The following CDON variants were observed in gnomAD, a reference collection of about 807,000 sequenced individuals.
CDON encodes cell adhesion associated, oncogene regulated, also known as cell adhesion molecule-related/down-regulated by oncogenes.
CDON carries 73 observed loss-of-function variants against 120.9 expected under a neutral mutation model. The observed-to-expected ratio is 0.60, with a 90% confidence interval of 0.50 to 0.73. CDON has a LOEUF of 0.73. Among genes scored for constraint, CDON ranks in the 30% least tolerant of loss-of-function variants. The pLI, the probability that CDON is intolerant of heterozygous loss-of-function variation, is 0.00. For missense variants in CDON, 1,470 were observed against 1,587.3 expected (o/e 0.93, Z 1.26); for synonymous variants, 566 against 573.5 (o/e 0.99, Z 0.19).
At chr11:126,057,196 TGGG>T (rs1948700869) in intron 1 of CDON, among the ~76,000 whole-genome samples, 1 of 152,196 alleles carries the variant, frequency 6.6e-6, no homozygotes, top group African/African-American at 2.4e-5. Flanking sequence ...AGATAGCCAT[TGGG>T]ATCTGATTTT....
chr11:125,973,597 G>C (rs1330034316), intron 18 of CDON, among the ~76,000 whole-genome samples: 1 of 152,194 alleles, frequency 6.6e-6, no homozygotes, highest in Non-Finnish European at 1.5e-5. Context: ...CCATGGCTCT[G>C]TGTGATCTGA....
intron 14 of CDON, among the ~76,000 whole-genome samples, chr11:125,991,010 G>A (rs1181141892): frequency 6.6e-6 from 1 of 151,952 alleles, no homozygotes; most frequent in African/African-American, 2.4e-5. Context: ...TTCTTTTTTT[G>A]TAGTCTTGGG....
At chr11:125,961,136 C>G in intron 19 of CDON, 31 bp from the exon 20 acceptor site, 1 of 1,604,372 alleles carries the variant, frequency 6.2e-7, no homozygotes, top group Non-Finnish European at 8.5e-7. Context: ...GGAGCATTAT[C>G]AAATGATAAA....
At chr11:126,023,330 G>T in intron 2 of CDON, 71 bp downstream of exon 2, 1 of 958,448 alleles carries the variant, frequency 1.0e-6, no homozygotes, top group Non-Finnish European at 1.7e-6. Flanking sequence ...AAGCATTGAA[G>T]TACAAATTTA....
chr11:126,010,478 G>A lies in CDON; in HGVS notation c.1415C>T (p.Pro472Leu). The A allele has an allele frequency of 6.2e-7, 1 of 1,614,142 alleles. No homozygotes were observed. Among genetic ancestry groups the A allele is most frequent in the Non-Finnish European group, 8.5e-7 (1 of 1,180,004 alleles). The change falls in exon 8 of 20, where the codon CCT becomes CTT. Residue 472 changes from proline (P) to leucine (L), a missense_variant. Physicochemically the swap from Pro to Leu is moderately conservative, Grantham distance 98 (BLOSUM62 -3). Coordinates refer to ENST00000531738, the MANE Select transcript of CDON (RefSeq NM_001378964.1). Reference sequence around the variant, plus strand: ...AGCTTGGGACAGGACGAAGTACACAGGCTCCAGGTTCAAGCCCTCAGGTCT... The same window carrying A: ...AGCTTGGGACAGGACGAAGTACACAAGCTCCAGGTTCAAGCCCTCAGGTCT... ...LSRPEGLNLE[P>L]VYFVLSQAGA... is the part of the protein sequence containing the mutation.
intron 19 of CDON, 194 bp downstream of exon 19, chr11:125,961,530 T>A: frequency 1.5e-6 from 1 of 667,560 alleles, no homozygotes; most frequent in East Asian, 2.7e-5. Context: ...AGGACATGAG[T>A]AATAACAGAA....
chr11:125,981,625 C>G lies in CDON; in HGVS notation c.2996-296G>C, dbSNP rs546546736. Reference sequence around the variant, plus strand: ...CATAGAGTGTAGAGATAGCTGTGAACTCTGAGTTAATTATGATTCTGTTAA... The same window carrying G: ...CATAGAGTGTAGAGATAGCTGTGAAGTCTGAGTTAATTATGATTCTGTTAA... On this transcript the variant is annotated intron_variant, in intron 16 of 19. Coordinates refer to ENST00000531738, the MANE Select transcript of CDON (RefSeq NM_001378964.1). Among the ~76,000 whole-genome samples, 6 of 152,240 alleles carry G rather than the reference C, an allele frequency of 3.9e-5. No individual in the cohort carries two copies. The East Asian group carries it at 1.2e-3, about 29-fold the overall frequency.
chr11:126,021,338 G>C lies in CDON; in HGVS notation c.259C>G (p.Leu87Val). 2 of 1,614,126 alleles carry C rather than the reference G, an allele frequency of 1.2e-6. No individual in the cohort carries two copies. Among genetic ancestry groups the C allele is most frequent in the Non-Finnish European group, 1.7e-6 (2 of 1,179,992 alleles). The change falls in exon 3 of 20, where the codon CTC (leucine) becomes GTC (valine). Residue 87 changes from leucine (L) to valine (V), a missense_variant. Transcript: ENST00000531738. ...IHQGTLTILS[L>V]NSSLLGYYQC... Reference sequence around the variant, plus strand: ...TAGTAACCCAAAAGAGAGGAGTTGAGAGAAAGAATTGTCAGAGTCCCCTGA... The same window carrying C: ...TAGTAACCCAAAAGAGAGGAGTTGACAGAAAGAATTGTCAGAGTCCCCTGA...
chr11:126,016,146 C>A (rs934250672), intron 6 of CDON, among the ~76,000 whole-genome samples: 1 of 152,050 alleles, frequency 6.6e-6, no homozygotes, highest in Non-Finnish European at 1.5e-5. Context: ...CTATAGCAGG[C>A]CATGGTTATA....
chr11:126,015,117 G>A (rs1026378555), intron 7 of CDON, 124 bp downstream of exon 7: 4 of 916,550 alleles, frequency 4.4e-6, no homozygotes, highest in Non-Finnish European at 7.1e-6. Context: ...CATGGAAAAT[G>A]AACACCGTTC....
At position 125,997,209 on chromosome 11, in the gene CDON, G is replaced by A. The variant is rs1266955578; in HGVS notation, c.2360C>T (p.Pro787Leu). ...AGGAAACGTTTGAATATTACTACCT[G>A]GTTCTAAACTACGAACTTCCACTGA... ...KLSVEVRSLE[P>L]GSTYKFRVIA... Residue 787 changes from proline (P) to leucine (L), a missense_variant and splice_region_variant, in exon 12 of 20, where the codon CCA (proline) becomes CTA (leucine). Transcript: ENST00000531738. 2.5e-6 allele frequency: 4 copies of A among 1,605,442 alleles called. No individual in the cohort carries two copies. In the East Asian group the frequency reaches 8.9e-5, roughly 36 times the overall value.
rs765006622 is a variant in CDON at position 126,021,516 on chromosome 11, C to T, written c.81G>A (p.Leu27=). The T allele has an allele frequency of 1.9e-6, 3 of 1,613,518 alleles. No homozygotes were observed. Among genetic ancestry groups the T allele is most frequent in the South Asian group, 1.1e-5 (1 of 90,960 alleles). Residue 27 remains leucine (L), a synonymous_variant, in exon 3 of 20, where the codon TTG becomes TTA. Coordinates refer to ENST00000531738, the MANE Select transcript of CDON (RefSeq NM_001378964.1). ...TILCSSVSSD[L]APYFTSEPLS... The stretch of plus-strand genomic sequence containing the variant: ...GCGGCTCAGAAGTAAAATAAGGTGC[C>T]AAGTCTACAAGGGAATATTCCCCAT...
chr11:126,046,551 T>C (rs996744435), intron 1 of CDON, among the ~76,000 whole-genome samples: 5 of 152,192 alleles, frequency 3.3e-5, no homozygotes, highest in Non-Finnish European at 5.9e-5. Context: ...TTCTGAAGCA[T>C]TGTTACTGTC....
chr11:126,047,711 G>A (rs1948438855), intron 1 of CDON, among the ~76,000 whole-genome samples: 1 of 152,100 alleles, frequency 6.6e-6, no homozygotes, highest in African/African-American at 2.4e-5. Flanking sequence ...GGCACAGAGG[G>A]CTCACATCAC....
intron 18 of CDON, among the ~76,000 whole-genome samples, chr11:125,965,218 A>G (rs1423482024): frequency 7.2e-5 from 11 of 152,252 alleles, no homozygotes; most frequent in Admixed American, 3.9e-4. Flanking sequence ...GGCGTAAGCC[A>G]TCACGCCTGG....
chr11:126,028,619 T>A (rs185153765), intron 1 of CDON, among the ~76,000 whole-genome samples: 2 of 152,222 alleles, frequency 1.3e-5, no homozygotes, highest in Admixed American at 1.3e-4. Context: ...TGCCTCAGCC[T>A]CCCAAAGTGC....
chr11:126,040,630 A>G, intron 1 of CDON, among the ~76,000 whole-genome samples: 1 of 151,054 alleles, frequency 6.6e-6, no homozygotes, highest in Middle Eastern at 3.2e-3. Flanking sequence ...CCTGGCTAAC[A>G]CGGTGAAACC....
chr11:125,999,013 A>G (rs1946866503), intron 11 of CDON, among the ~76,000 whole-genome samples: 1 of 152,240 alleles, frequency 6.6e-6, no homozygotes, highest in Non-Finnish European at 1.5e-5. Flanking sequence ...AGAAGAAAAT[A>G]AAGTTGAATG....
chr11:126,049,196 G>A (rs182214345), intron 1 of CDON, among the ~76,000 whole-genome samples: 82 of 152,210 alleles, frequency 5.4e-4, no homozygotes, highest in African/African-American at 1.5e-3. Context: ...ATCTGAACAA[G>A]TAGTCTTTCT....
Sources: allele counts gnomAD v4.1 joint callset (sites outside exome capture counted in the v4.1 genomes callset), GRCh38; gene constraint gnomAD v4.1.1; transcripts MANE v1.5; gene names NCBI Gene and HGNC (gene_info 2026-07-23, HGNC 2026-07-21).